The following CA10 variants were observed in gnomAD, a reference collection of about 807,000 sequenced individuals.
CA10 encodes carbonic anhydrase 10 (inactive), also known as carbonic anhydrase-related protein 10.
A neutral mutation model predicts 44.2 loss-of-function variants in CA10; 14 were observed. The ratio of observed to expected loss-of-function variants is 0.32; its 90% CI spans 0.21 to 0.50. The LOEUF is 0.50. CA10 is among the 20% of genes least tolerant of loss of function. CA10 has a pLI of 0.99. For missense variants in CA10, 350 were observed against 409.7 expected, an observed-to-expected ratio of 0.85 and a Z score of 1.26; for synonymous variants, 159 against 141.6, an observed-to-expected ratio of 1.12 and a Z score of -0.87.
At chr17:52,151,659 G>C (rs932912600) in intron 1 of CA10, among the ~76,000 whole-genome samples, 4 of 152,064 alleles carry the variant, frequency 2.6e-5, no homozygotes, top group Non-Finnish European at 5.9e-5. Flanking sequence ...TACAAAAACT[G>C]ATCCAAAGTG....
At chr17:51,790,096 C>A (rs1906456315) in intron 3 of CA10, among the ~76,000 whole-genome samples, 1 of 152,150 alleles carries the variant, frequency 6.6e-6, no homozygotes, top group Non-Finnish European at 1.5e-5. Flanking sequence ...AGCCATCGTG[C>A]ATCAGATGCT....
intron 3 of CA10, among the ~76,000 whole-genome samples, chr17:51,831,719 A>C (rs896921145): frequency 1.7e-5 from 2 of 116,188 alleles, no homozygotes; most frequent in African/African-American, 6.1e-5. Flanking sequence ...CAGCAGCAGC[A>C]GCAGCAGCAG....
At chr17:51,717,837 A>ACATG (rs1567815670) in intron 4 of CA10, among the ~76,000 whole-genome samples, 3 of 64,290 alleles carry the variant, frequency 4.7e-5, no homozygotes, top group South Asian at 5.6e-4. Flanking sequence ...GTGTATATAT[A>ACATG]TATATATATA....
chr17:52,149,409 TA>T (rs1306302264), intron 1 of CA10, among the ~76,000 whole-genome samples: 1 of 152,212 alleles, frequency 6.6e-6, no homozygotes, highest in Non-Finnish European at 1.5e-5. Flanking sequence ...GATGGCCCAG[TA>T]ATGCAAATGT....
At position 52,157,906 on chromosome 17, in the gene CA10, C is replaced by T. The variant is rs1314764045; in HGVS notation, c.-120G>A. On this transcript the variant is annotated 5_prime_UTR_variant, in exon 1 of 9. Transcript: ENST00000451037. The stretch of plus-strand genomic sequence containing the variant: ...TTCCGAGCGAGTGCACACTCGCACT[C>T]CCACCCGACAGCCGGCCAGGGACAG... The T allele has an allele frequency of 1.3e-6, 1 of 799,644 alleles. No homozygotes were observed. The highest frequency in any genetic ancestry group is 1.7e-5 in the African/African-American group (1 of 59,196). 49.5% of individuals were successfully genotyped at this position (799,644 alleles called of 1,614,324 possible). A position where few individuals can be genotyped will look rare whatever the true frequency, so the allele number is the denominator to read the frequency against.
At chr17:52,112,469 C>T (rs561728269) in intron 1 of CA10, among the ~76,000 whole-genome samples, 16 of 152,198 alleles carry the variant, frequency 1.1e-4, no homozygotes, top group Non-Finnish European at 2.2e-4. Context: ...AAAAAGACCA[C>T]GCTGGCCACA....
At chr17:51,815,128 G>A (rs4793725) in intron 3 of CA10, among the ~76,000 whole-genome samples, 114,056 of 151,800 alleles carry the variant, frequency 0.75, 43,185 homozygotes, top group East Asian at 0.9. Context: ...GCCTGGGGAC[G>A]TTTGAAAGTA....
chr17:51,795,567 A>G (rs982807836), intron 3 of CA10, among the ~76,000 whole-genome samples: 6 of 152,262 alleles, frequency 3.9e-5, no homozygotes, highest in Non-Finnish European at 7.3e-5. Context: ...TACAGTGGCT[A>G]CAAGAATTGT....
intron 3 of CA10, among the ~76,000 whole-genome samples, chr17:51,772,973 A>G (rs1905667368): frequency 6.6e-6 from 1 of 151,954 alleles, no homozygotes; most frequent in African/African-American, 2.4e-5. Flanking sequence ...TGCACACAAC[A>G]CTCACACACA....
rs56369087 is a variant in CA10, at chr17:52,062,065, C to CTTTT, written c.136+10250_136+10253dup. Among the ~76,000 whole-genome samples, 27 of 115,788 alleles carry CTTTT rather than the reference C, an allele frequency of 2.3e-4. 2 individuals carry two copies. The highest frequency in any genetic ancestry group is 8.7e-4 in the South Asian group (3 of 3,446). The allele number at this position is 115,788 out of a possible 152,430, so 76.0% of individuals were successfully genotyped here. On this transcript the variant is annotated intron_variant, in intron 2 of 8. Coordinates refer to ENST00000451037, the MANE Select transcript of CA10 (RefSeq NM_020178.5). ...AAGCTTTCAAGAAGTGGTGTGGCCA[C>CTTTT]TTTTTTTTTTTTTTTTTTTTGAGAT...
intron 4 of CA10, among the ~76,000 whole-genome samples, chr17:51,665,801 A>G (rs1202492114): frequency 6.6e-6 from 1 of 152,256 alleles, no homozygotes; most frequent in African/African-American, 2.4e-5. Context: ...TCACATAGGC[A>G]GCCTGTCATT....
rs1208630633 is a variant in CA10 at position 51,935,981 on chromosome 17, T to C, written c.137-4849A>G. On this transcript the variant is annotated intron_variant, in intron 2 of 8. Coordinates refer to ENST00000451037, the MANE Select transcript of CA10 (RefSeq NM_020178.5). ...TAGATTGTGCTTTTAGGCATCTTCC[T>C]TATTCATTTGTCCTAAGCCAGCAGA... Among the ~76,000 whole-genome samples the C allele has an allele frequency of 3.3e-5, 5 of 152,182 alleles. No homozygotes were observed. In the South Asian group the frequency reaches 8.3e-4, roughly 25 times the overall value.
chr17:51,820,654 C>T (rs944143561), intron 3 of CA10, among the ~76,000 whole-genome samples: 3 of 151,928 alleles, frequency 2.0e-5, no homozygotes. Flanking sequence ...GTCAGAAGAC[C>T]TAAGTTTGAC....
intron 4 of CA10, among the ~76,000 whole-genome samples, chr17:51,712,863 A>T (rs1199760907): frequency 2.0e-5 from 3 of 152,240 alleles, no homozygotes; most frequent in Non-Finnish European, 4.4e-5. Flanking sequence ...AAACAAAGTA[A>T]CATTGCCTAC....
intron 2 of CA10, among the ~76,000 whole-genome samples, chr17:52,004,144 C>A (rs1985523052): frequency 2.0e-5 from 3 of 151,862 alleles, no homozygotes; most frequent in Admixed American, 2.0e-4. Flanking sequence ...CTTTACAGAT[C>A]ATAAAAATTC....
At chr17:51,961,637 G>A (rs949413092) in intron 2 of CA10, among the ~76,000 whole-genome samples, 1 of 152,070 alleles carries the variant, frequency 6.6e-6, no homozygotes, top group East Asian at 1.9e-4. Flanking sequence ...AGACCTCACA[G>A]GCATTAAAAT....
intron 4 of CA10, among the ~76,000 whole-genome samples, chr17:51,672,132 T>A (rs752532755): frequency 6.6e-6 from 1 of 152,210 alleles, no homozygotes; most frequent in Non-Finnish European, 1.5e-5. Flanking sequence ...CCACCAGACA[T>A]GCAATAGGCA....
intron 2 of CA10, among the ~76,000 whole-genome samples, chr17:51,984,354 A>G (rs1355779953): frequency 6.6e-6 from 1 of 151,954 alleles, no homozygotes; most frequent in African/African-American, 2.4e-5. Flanking sequence ...AATACAGCAA[A>G]GGCGGTACTA....
chr17:52,013,553 A>G (rs1209217527), intron 2 of CA10, among the ~76,000 whole-genome samples: 2 of 151,946 alleles, frequency 1.3e-5, no homozygotes, highest in Non-Finnish European at 2.9e-5. Context: ...CAACACACAG[A>G]AACATATAGA....
Sources: gnomAD v4.1 joint callset for allele counts (sites outside exome capture counted in the v4.1 genomes callset) on GRCh38, gnomAD v4.1.1 for gene constraint, MANE v1.5 for transcripts, NCBI Gene and HGNC (gene_info 2026-07-23, HGNC 2026-07-21) for gene names.